Variants in OR5M3 observed in about 807,000 individuals in gnomAD.
The protein encoded by OR5M3 is olfactory receptor 5M3.
For synonymous variants in OR5M3, 129 were observed against 131.3 expected (o/e 0.98, Z 0.12); for missense variants, 384 against 378.6 (o/e 1.01, Z -0.12).
rs559741438 is a variant in OR5M3, at chr11:56,469,471, C to T, written c.*103G>A. 176 of 621,018 alleles carry T rather than the reference C, an allele frequency of 2.8e-4. 2 individuals carry two copies. The South Asian group carries it at 5.2e-3, about 18-fold the overall frequency. The allele number at this position is 621,018 out of a possible 1,614,324, so 38.5% of individuals were successfully genotyped here. A position where few individuals can be genotyped will look rare whatever the true frequency, so the allele number is the denominator to read the frequency against. On this transcript the variant is annotated 3_prime_UTR_variant, in exon 2 of 2. Coordinates refer to ENST00000641993, the MANE Select transcript of OR5M3 (RefSeq NM_001004742.3). ...GTACCACTTTTATTTTTCTTTTCAA[C>T]CCACAGAATATCTTTATCTTAATGT...
At chr11:56,472,885 G>C (rs7932030) in intron 1 of OR5M3, among the ~76,000 whole-genome samples, 25,147 of 151,922 alleles carry the variant, frequency 0.17, 2,860 homozygotes, top group African/African-American at 0.32. Context: ...TTATAAAACT[G>C]GACATGTTTT....
Position 56,469,940 on chromosome 11 carries a change from G to A in OR5M3, c.558C>T (p.Ala186=). ...YCADPPLIKM[A]CAGTFVKEYT... is the part of the protein sequence containing the mutation. ...ATTCTTTTACAAAGGTCCCAGCACAGGCCATTTTGATGAGAGGTGGATCTG... is the reference window on the plus strand; with the variant it reads ...ATTCTTTTACAAAGGTCCCAGCACAAGCCATTTTGATGAGAGGTGGATCTG... Residue 186 remains alanine, a synonymous_variant, in exon 2 of 2, where the codon GCC becomes GCT. Coordinates refer to ENST00000641993, the MANE Select transcript of OR5M3 (RefSeq NM_001004742.3). 1.2e-6 allele frequency: 2 copies of A among 1,612,616 alleles called. No individual in the cohort carries two copies. The highest frequency in any genetic ancestry group is 1.7e-6 in the Non-Finnish European group (2 of 1,178,664).
In OR5M3 at chr11:56,470,318, G is replaced by A; in HGVS notation, c.180C>T (p.Phe60=). The A allele has an allele frequency of 6.2e-7, 1 of 1,613,720 alleles. No individual in the cohort carries two copies. Among genetic ancestry groups the A allele is most frequent in the Non-Finnish European group, 8.5e-7 (1 of 1,179,828 alleles). ...CATCAACAAATGACAAGTGACTGAG[G>A]AAAAAGTACATGGGGTTGTTAAGCT... ...SPQLNNPMYF[F]LSHLSFVDVW... Residue 60 remains phenylalanine (F), a synonymous_variant, in exon 2 of 2, where the codon TTC becomes TTT. Transcript: ENST00000641993.
intron 1 of OR5M3, among the ~76,000 whole-genome samples, chr11:56,472,727 C>T (rs967223220): frequency 9.9e-5 from 15 of 152,070 alleles, no homozygotes; most frequent in African/African-American, 3.4e-4. Flanking sequence ...ACATGACCTT[C>T]CCTTATTGAA....
In OR5M3 at chr11:56,472,511, A is replaced by G. The variant is rs1853677889; in HGVS notation, c.-45+710T>C. On this transcript the variant is annotated intron_variant, in intron 1 of 1. Coordinates refer to ENST00000641993, the MANE Select transcript of OR5M3 (RefSeq NM_001004742.3). Reference sequence around the variant, plus strand: ...TGATTCAGCACAAACAAGGATGTAGAAGATGGCATTGTTAGTACTCCCCTC... The same window carrying G: ...TGATTCAGCACAAACAAGGATGTAGGAGATGGCATTGTTAGTACTCCCCTC... 2.0e-5 allele frequency among the ~76,000 whole-genome samples: 3 copies of G among 152,194 alleles called. No individual in the cohort carries two copies. In the South Asian group the frequency reaches 6.2e-4, roughly 32 times the overall value.
chr11:56,473,111 C>T (rs1408893556), intron 1 of OR5M3, 110 bp downstream of exon 1: 2 of 151,718 alleles, frequency 1.3e-5, no homozygotes, highest in Non-Finnish European at 3.0e-5. Flanking sequence ...TATCTCAACA[C>T]ATACATAACA....
rs774561926 is a variant in OR5M3, at chr11:56,470,118, G to A, written c.380C>T (p.Pro127Leu). The change falls in exon 2 of 2, where the codon CCT becomes CTT. Residue 127 changes from proline to leucine, a missense_variant. By Grantham distance (98) the Pro-to-Leu change is moderately conservative (BLOSUM62 -3). Coordinates refer to ENST00000641993, the MANE Select transcript of OR5M3 (RefSeq NM_001004742.3). ...TGACATTTTACTGCCATAAAGCAGA[G>A]GATTCCCAATTGCCATGTATCTATC... is the stretch of plus-strand genomic sequence containing the variant. ...AFDRYMAIGN[P>L]LLYGSKMSRV... is the part of the protein sequence containing the mutation. 2 of 1,602,070 alleles carry A rather than the reference G, an allele frequency of 1.2e-6. No homozygotes were observed. Among genetic ancestry groups the A allele is most frequent in the Non-Finnish European group, 1.7e-6 (2 of 1,169,896 alleles).
Position 56,469,794 on chromosome 11 carries a change from G to T in OR5M3, c.704C>A (p.Ala235Asp). ...RMRSAEGRQK[A>D]FSTCGSHLTA... Reference sequence around the variant, plus strand: ...CAGATGGGACCCACATGTGGAAAAGGCCTTCTGCCTTCCTTCTGCTGAGCG... The same window carrying T: ...CAGATGGGACCCACATGTGGAAAAGTCCTTCTGCCTTCCTTCTGCTGAGCG... Residue 235 changes from alanine to aspartate, a missense_variant, in exon 2 of 2, where the codon GCC becomes GAC. Transcript: ENST00000641993. 1 of 1,611,296 alleles carries T rather than the reference G, an allele frequency of 6.2e-7. No individual in the cohort carries two copies. Among genetic ancestry groups the T allele is most frequent in the Non-Finnish European group, 8.5e-7 (1 of 1,177,554 alleles).
chr11:56,472,056 A>G (rs1027227634), intron 1 of OR5M3, among the ~76,000 whole-genome samples: 1 of 152,076 alleles, frequency 6.6e-6, no homozygotes, highest in African/African-American at 2.4e-5. Context: ...AAATAAGTGA[A>G]CATTTATCCA....
rs371992663 is a variant in OR5M3 at position 56,469,554 on chromosome 11, C to A, written c.*20G>T. 153 of 1,449,290 alleles carry A rather than the reference C, an allele frequency of 1.1e-4. No homozygotes were observed. The South Asian group carries it at 2.2e-3, about 20-fold the overall frequency. The allele number at this position is 1,449,290 out of a possible 1,614,324, so 89.8% of individuals were successfully genotyped here. ...CAAATAATAGAAGATAAAATTAAAT[C>A]AAATTTGATTTTATTTTGTTTAACA... On this transcript the variant is annotated 3_prime_UTR_variant, in exon 2 of 2. Coordinates refer to ENST00000641993, the MANE Select transcript of OR5M3 (RefSeq NM_001004742.3).
intron 1 of OR5M3, among the ~76,000 whole-genome samples, chr11:56,470,984 C>T (rs957585382): frequency 6.6e-6 from 1 of 151,820 alleles, no homozygotes; most frequent in African/African-American, 2.4e-5. Flanking sequence ...AATTCATCAG[C>T]CTAAAATGTT....
At chr11:56,471,775 A>T (rs1853669803) in intron 1 of OR5M3, among the ~76,000 whole-genome samples, 3 of 151,998 alleles carry the variant, frequency 2.0e-5, no homozygotes, top group African/African-American at 7.2e-5. Flanking sequence ...ATGAGCATTC[A>T]CATTCTGCAG....
chr11:56,470,612 A>C lies in OR5M3; in HGVS notation c.-44-71T>G, dbSNP rs563681271. Reference sequence around the variant, plus strand: ...ATACCTTCAGATGCTCCCTTTATACAATATCTATTAGCACACTTTGCATTC... The same window carrying C: ...ATACCTTCAGATGCTCCCTTTATACCATATCTATTAGCACACTTTGCATTC... On this transcript the variant is annotated intron_variant, in intron 1 of 1. Transcript: ENST00000641993. 4.7e-5 allele frequency: 28 copies of C among 598,220 alleles called. No individual in the cohort carries two copies. The South Asian group carries it at 7.0e-4, about 15-fold the overall frequency. The allele number at this position is 598,220 out of a possible 1,614,324, so 37.1% of individuals were successfully genotyped here.
Position 56,473,324 on chromosome 11 carries a change from A to G in OR5M3, c.-148T>C, listed in dbSNP as rs1216127680. ...TCAACCTGATGAAAGGGAAACTTGG[A>G]AAAGTCCACAGTGGAAGCCTCCCTT... is the stretch of plus-strand genomic sequence containing the variant. On this transcript the variant is annotated 5_prime_UTR_variant, in exon 1 of 2. Transcript: ENST00000641993. 1 of 152,146 alleles carries G rather than the reference A, an allele frequency of 6.6e-6. No individual in the cohort carries two copies. Among genetic ancestry groups the G allele is most frequent in the Non-Finnish European group, 1.5e-5 (1 of 67,996 alleles). The allele number at this position is 152,146 out of a possible 1,614,324, so 9.4% of individuals were successfully genotyped here.
rs1425611263 is a variant in OR5M3 at position 56,470,110 on chromosome 11, A to G, written c.388T>C (p.Tyr130His). ...ACAACCCTTGACATTTTACTGCCAT[A>G]AAGCAGAGGATTCCCAATTGCCATG... is the stretch of plus-strand genomic sequence containing the variant. ...RYMAIGNPLL[Y>H]GSKMSRVVCI... The change falls in exon 2 of 2, where the codon TAT (tyrosine) becomes CAT (histidine). Residue 130 changes from tyrosine to histidine, a missense_variant. Transcript: ENST00000641993. 1 of 1,602,594 alleles carries G rather than the reference A, an allele frequency of 6.2e-7. No individual in the cohort carries two copies. The highest frequency in any genetic ancestry group is 8.5e-7 in the Non-Finnish European group (1 of 1,170,414).
intron 1 of OR5M3, among the ~76,000 whole-genome samples, chr11:56,471,151 C>T (rs1200142578): frequency 6.6e-6 from 1 of 151,974 alleles, no homozygotes; most frequent in Non-Finnish European, 1.5e-5. Context: ...CCAACTCTAA[C>T]ATGAAATTAT....
Position 56,469,467 on chromosome 11 carries a change from T to C in OR5M3, c.*107A>G. The C allele has an allele frequency of 1.6e-6, 1 of 618,662 alleles. No individual in the cohort carries two copies. Among genetic ancestry groups the C allele is most frequent in the Admixed American group, 3.5e-5 (1 of 28,330 alleles). The allele number at this position is 618,662 out of a possible 1,614,324, so 38.3% of individuals were successfully genotyped here. On this transcript the variant is annotated 3_prime_UTR_variant, in exon 2 of 2. Transcript: ENST00000641993. ...ATTTGTACCACTTTTATTTTTCTTT[T>C]CAACCCACAGAATATCTTTATCTTA...
rs1310897932 is a variant in OR5M3 at position 56,469,760 on chromosome 11, G to A, written c.738C>T (p.Val246=). The change falls in exon 2 of 2, where the codon GTC becomes GTT. Residue 246 remains valine (V), a synonymous_variant. Transcript: ENST00000641993. ...AGATCAGAGTACCATAGAATATAATGACAGCTGTCAGATGGGACCCACATG... is the reference window on the plus strand; with the variant it reads ...AGATCAGAGTACCATAGAATATAATAACAGCTGTCAGATGGGACCCACATG... ...FSTCGSHLTA[V]IIFYGTLIFM... 1 of 1,612,980 alleles carries A rather than the reference G, an allele frequency of 6.2e-7. No individual in the cohort carries two copies. The highest frequency in any genetic ancestry group is 8.5e-7 in the Non-Finnish European group (1 of 1,179,386).
rs1299238856 is a variant in OR5M3 at position 56,470,243 on chromosome 11, T to A, written c.255A>T (p.Ser85=). 1 of 1,613,494 alleles carries A rather than the reference T, an allele frequency of 6.2e-7. No homozygotes were observed. Among genetic ancestry groups the A allele is most frequent in the Non-Finnish European group, 8.5e-7 (1 of 1,179,596 alleles). The change falls in exon 2 of 2, where the codon TCA becomes TCT. Residue 85 remains serine, a synonymous_variant. Coordinates refer to ENST00000641993, the MANE Select transcript of OR5M3 (RefSeq NM_001004742.3). The stretch of plus-strand genomic sequence containing the variant: ...CAGCATAAGTAATTGTTTTTTTATC[T>A]GATAACAGGTTTTCCAACATTTTAG... ...VTPKMLENLL[S]DKKTITYAGC...
Sources: gnomAD v4.1 joint callset for allele counts (sites outside exome capture counted in the v4.1 genomes callset) on GRCh38, gnomAD v4.1.1 for gene constraint, MANE v1.5 for transcripts, NCBI Gene and HGNC (gene_info 2026-07-23, HGNC 2026-07-21) for gene names.